The following CELSR1 variants were observed in gnomAD, a reference collection of about 807,000 sequenced individuals.
CELSR1 encodes the protein adhesion G protein-coupled receptor C1.
In CELSR1, 110 loss-of-function variants were observed where a neutral mutation model predicts 249.1. The observed-to-expected ratio is 0.44, with a 90% CI of 0.38 to 0.52. The LOEUF (loss-of-function observed/expected upper bound fraction) is 0.52, where lower values mean the gene tolerates loss of function less well. Ranked by LOEUF, CELSR1 falls within the 20% of genes least tolerant of loss-of-function variation. The pLI is 0.00. For synonymous variants in CELSR1, 2,113 were observed against 1,900.0 expected, an observed-to-expected ratio of 1.11 and a Z score of -2.92; for missense variants, 4,109 against 4,296.4, an observed-to-expected ratio of 0.96 and a Z score of 1.22.
Position 46,361,176 on chromosome 22 carries a change from C to G in CELSR1, c.*2047G>C, listed in dbSNP as rs534971184. The G allele has an allele frequency of 9.8e-5, 15 of 152,598 alleles. No individual in the cohort carries two copies. The highest frequency in any genetic ancestry group is 2.9e-4 in the African/African-American group (12 of 41,554). 9.5% of individuals were successfully genotyped at this position (152,598 alleles called of 1,614,324 possible). A position where few individuals can be genotyped will look rare whatever the true frequency, so the allele number is the denominator to read the frequency against. On this transcript the variant is annotated 3_prime_UTR_variant, in exon 35 of 35. Transcript: ENST00000674500. ...GAGAAAAACCAGCACCGCAGAAGTA[C>G]AAATTCAAAAATCTTAATTTATTGT... is the stretch of plus-strand genomic sequence containing the variant.
chr22:46,365,422 G>T (rs974103437), intron 31 of CELSR1, 42 bp from the exon 32 acceptor site: 3 of 1,605,336 alleles, frequency 1.9e-6, no homozygotes, highest in Non-Finnish European at 2.6e-6. Flanking sequence ...GCCCTGGGAG[G>T]TGAGGGAGTC....
chr22:46,417,357 G>A lies in CELSR1; in HGVS notation c.4612-5598C>T, dbSNP rs531686208. ...TTCAAACTGGCCTCCCAGGAGCCTC[G>A]GACAGGACTTTGCCAGAATGCAAAC... On this transcript the variant is annotated intron_variant, in intron 5 of 34. Coordinates refer to ENST00000674500, the MANE Select transcript of CELSR1 (RefSeq NM_001378328.1). This position sits in a 1 kb window ranked among gnomAD's most constrained non-coding sequence, Gnocchi z 4.1. Among the ~76,000 whole-genome samples the A allele has an allele frequency of 2.6e-5, 4 of 152,306 alleles. No individual in the cohort carries two copies. Among genetic ancestry groups the A allele is most frequent in the African/African-American group, 9.6e-5 (4 of 41,580 alleles).
At chr22:46,466,614 C>T (rs2080099299) in intron 1 of CELSR1, among the ~76,000 whole-genome samples, 1 of 152,194 alleles carries the variant, frequency 6.6e-6, no homozygotes, top group Non-Finnish European at 1.5e-5. Context: ...GTAGATAATA[C>T]GACCAGAGTT....
chr22:46,415,329 T>C (rs1286390469), intron 5 of CELSR1, among the ~76,000 whole-genome samples: 1 of 152,076 alleles, frequency 6.6e-6, no homozygotes, highest in Non-Finnish European at 1.5e-5. Flanking sequence ...TTTGTATTTT[T>C]AGTAGAGATG....
chr22:46,515,401 G>A (rs920312036), intron 1 of CELSR1, among the ~76,000 whole-genome samples: 1 of 152,230 alleles, frequency 6.6e-6, no homozygotes, highest in Non-Finnish European at 1.5e-5. Context: ...AGGAAGGTTT[G>A]CACATGTTTC....
Position 46,391,481 on chromosome 22 carries a change from G to A in CELSR1, c.6148+152C>T, listed in dbSNP as rs961074268. ...CAGGCTCTGACCCACACCCCCTCAC[G>A]CAGAACCAGGTTTCTAGAAGGTCAA... On this transcript the variant is annotated intron_variant, in intron 15 of 34. Transcript: ENST00000674500. This position sits in a 1 kb window ranked among gnomAD's most constrained non-coding sequence, Gnocchi z 4.3. 1.7e-5 allele frequency: 17 copies of A among 1,010,432 alleles called. No homozygotes were observed. The highest frequency in any genetic ancestry group is 1.1e-4 in the African/African-American group (7 of 61,360). The allele number at this position is 1,010,432 out of a possible 1,614,324, so 62.6% of individuals were successfully genotyped here.
Position 46,411,866 on chromosome 22 carries a change from G to T in CELSR1, c.4612-107C>A. ...AGGAGGACATGGCACAGGGTGGGCG[G>T]CACGTAGACAAGGGATGAGGAGCCC... On this transcript the variant is annotated intron_variant, in intron 5 of 34. Coordinates refer to ENST00000674500, the MANE Select transcript of CELSR1 (RefSeq NM_001378328.1). This position sits in a 1 kb window ranked among gnomAD's most constrained non-coding sequence, Gnocchi z 4.2. 7.0e-7 allele frequency: 1 copy of T among 1,433,714 alleles called. No homozygotes were observed. The highest frequency in any genetic ancestry group is 9.6e-7 in the Non-Finnish European group (1 of 1,041,076). The allele number at this position is 1,433,714 out of a possible 1,614,324, so 88.8% of individuals were successfully genotyped here.
At chr22:46,478,049 C>G (rs1469231855) in intron 1 of CELSR1, among the ~76,000 whole-genome samples, 2 of 152,158 alleles carry the variant, frequency 1.3e-5, no homozygotes, top group Non-Finnish European at 2.9e-5. Flanking sequence ...AGCAGCACAC[C>G]AGCTGAAAAC....
rs1474664597 is a variant in CELSR1, at chr22:46,500,019, G to A, written c.3544+33608C>T. Among the ~76,000 whole-genome samples the A allele has an allele frequency of 1.3e-5, 2 of 151,958 alleles. No homozygotes were observed. Among genetic ancestry groups the A allele is most frequent in the Non-Finnish European group, 2.9e-5 (2 of 68,006 alleles). On this transcript the variant is annotated intron_variant, in intron 1 of 34. Coordinates refer to ENST00000674500, the MANE Select transcript of CELSR1 (RefSeq NM_001378328.1). This position sits in a 1 kb window ranked among gnomAD's most constrained non-coding sequence, Gnocchi z 4.9. ...CCCCATGCCTGGCTCAAGGCTCAGCGGCGACCTCTCCCGCTTATCTTCCCA... is the reference window on the plus strand; with the variant it reads ...CCCCATGCCTGGCTCAAGGCTCAGCAGCGACCTCTCCCGCTTATCTTCCCA...
At chr22:46,459,612 G>A (rs538329223) in intron 2 of CELSR1, among the ~76,000 whole-genome samples, 19 of 152,304 alleles carry the variant, frequency 1.2e-4, no homozygotes, top group East Asian at 3.9e-4. Flanking sequence ...CGCTGAGGCC[G>A]CTTCTCTGCC....
chr22:46,364,033 G>T lies in CELSR1; in HGVS notation c.8998C>A (p.Arg3000Ser). 1 of 1,610,938 alleles carries T rather than the reference G, an allele frequency of 6.2e-7. No homozygotes were observed. Among genetic ancestry groups the T allele is most frequent in the African/African-American group, 1.3e-5 (1 of 74,954 alleles). ...CCATCGGCCTGGGCGCTCCCAGTGC[G>T]CACATTCATGGCCACCCCGTTGAGG... ...DHLNGVAMNV[R>S]TGSAQADGSD... Residue 3000 changes from arginine to serine, a missense_variant, in exon 34 of 35, where the codon CGC becomes AGC. By Grantham distance (110) the Arg-to-Ser change is moderately radical. Transcript: ENST00000674500.
At position 46,457,396 on chromosome 22, in the gene CELSR1, G is replaced by A. The variant is rs969314907; in HGVS notation, c.4183+6311C>T. Among the ~76,000 whole-genome samples the A allele has an allele frequency of 2.0e-5, 3 of 152,028 alleles. No individual in the cohort carries two copies. In the East Asian group the frequency reaches 5.8e-4, roughly 29 times the overall value. The stretch of plus-strand genomic sequence containing the variant: ...AGCCCCTGGGGTCCTAAAAGCAGGT[G>A]ATCAAGAATAAACTCAACCCTAACA... On this transcript the variant is annotated intron_variant, in intron 2 of 34. Transcript: ENST00000674500.
chr22:46,366,937 C>G, intron 29 of CELSR1, 56 bp downstream of exon 29: 1 of 1,561,368 alleles, frequency 6.4e-7, no homozygotes. Flanking sequence ...CACCCTCCCC[C>G]GCCCCTCGAG....
intron 2 of CELSR1, among the ~76,000 whole-genome samples, chr22:46,461,230 T>C (rs910480210): frequency 1.3e-5 from 2 of 152,222 alleles, no homozygotes; most frequent in Non-Finnish European, 2.9e-5. Flanking sequence ...GGGAAATACA[T>C]ATGATAATTT....
chr22:46,452,092 G>A (rs1055015697), intron 2 of CELSR1, among the ~76,000 whole-genome samples: 4 of 152,162 alleles, frequency 2.6e-5, no homozygotes, highest in African/African-American at 9.7e-5. Flanking sequence ...TCCAGCTGCA[G>A]AACTGAGGGA....
rs1227268284 is a variant in CELSR1, at chr22:46,367,033, T to G, written c.8165A>C (p.His2722Pro). 5.0e-6 allele frequency: 8 copies of G among 1,610,578 alleles called. No individual in the cohort carries two copies. The highest frequency in any genetic ancestry group is 6.8e-6 in the Non-Finnish European group (8 of 1,179,536). Residue 2722 changes from histidine (H) to proline (P), a missense_variant, in exon 29 of 35, where the codon CAC (histidine) becomes CCC (proline). Physicochemically the swap from His to Pro is moderately conservative, Grantham distance 77. Coordinates refer to ENST00000674500, the MANE Select transcript of CELSR1 (RefSeq NM_001378328.1). ...LKGVLGGRKL[H>P]LEDSATTRAT... ...CCTGGTGGTGGCGGAGTCCTCCAGG[T>G]GCAGCTTCCTCCCGCCGAGCACGCC...
chr22:46,378,528 G>C (rs1424338393), intron 23 of CELSR1, 63 bp downstream of exon 23: 4 of 1,508,446 alleles, frequency 2.7e-6, no homozygotes, highest in African/African-American at 1.4e-5. Context: ...GTGCAGGTTT[G>C]GGGGGGAGGG....
rs532754414 is a variant in CELSR1, at chr22:46,447,063, G to A, written c.4184-7652C>T. Among the ~76,000 whole-genome samples, 1 of 152,154 alleles carries A rather than the reference G, an allele frequency of 6.6e-6. No homozygotes were observed. Among genetic ancestry groups the A allele is most frequent in the African/African-American group, 2.4e-5 (1 of 41,528 alleles). ...AGGGAGCTGGAGGGGCTGCTAGCAT[G>A]AGTGGATTACAGCGCTGTTTAAACA... On this transcript the variant is annotated intron_variant, in intron 2 of 34. Coordinates refer to ENST00000674500, the MANE Select transcript of CELSR1 (RefSeq NM_001378328.1). This position sits in a 1 kb window ranked among gnomAD's most constrained non-coding sequence, Gnocchi z 4.7.
chr22:46,392,643 AC>A (rs1444508492), intron 14 of CELSR1, among the ~76,000 whole-genome samples: 1 of 152,034 alleles, frequency 6.6e-6, no homozygotes, highest in Non-Finnish European at 1.5e-5. Flanking sequence ...TGCAGCCTCA[AC>A]CTCCAGGGCT....
Sources: gnomAD v4.1 joint callset for allele counts (sites outside exome capture counted in the v4.1 genomes callset) on GRCh38, gnomAD v4.1.1 for gene constraint, Gnocchi (gnomAD v3.1) non-coding constraint, MANE v1.5 for transcripts, NCBI Gene and HGNC (gene_info 2026-07-23, HGNC 2026-07-21) for gene names.